The following TRIM24 variants were observed in gnomAD, a reference collection of about 807,000 sequenced individuals.
TRIM24 encodes transcription intermediary factor 1-alpha.
A neutral mutation model predicts 123.9 loss-of-function variants in TRIM24; 29 were observed. The observed-to-expected ratio is 0.23, with a 90% CI of 0.17 to 0.32. The LOEUF is 0.32. TRIM24 is among the 10% of genes least tolerant of loss of function. The pLI is 1.00. For synonymous variants in TRIM24, 456 were observed against 461.1 expected (o/e 0.99, Z 0.14); for missense variants, 932 against 1,295.3 (o/e 0.72, Z 4.31).
At chr7:138,560,501 T>C (rs1797403911) in intron 9 of TRIM24, among the ~76,000 whole-genome samples, 1 of 152,186 alleles carries the variant, frequency 6.6e-6, no homozygotes, top group Admixed American at 6.5e-5. Flanking sequence ...TTTTACAGGG[T>C]GTGGCTCCTA....
At chr7:138,486,770 T>G (rs1795657484) in intron 1 of TRIM24, among the ~76,000 whole-genome samples, 1 of 152,226 alleles carries the variant, frequency 6.6e-6, no homozygotes, top group Admixed American at 6.5e-5. Context: ...TCAGGTAGCA[T>G]GATGCCTCCA....
chr7:138,573,728 T>C (rs1797702010), intron 12 of TRIM24, 86 bp downstream of exon 12: 1 of 1,414,130 alleles, frequency 7.1e-7, no homozygotes, highest in Non-Finnish European at 9.6e-7. Flanking sequence ...TTCTCCTTTT[T>C]TGTTGAATGC....
chr7:138,488,932 A>G (rs1250165119), intron 1 of TRIM24, among the ~76,000 whole-genome samples: 4 of 152,072 alleles, frequency 2.6e-5, no homozygotes, highest in African/African-American at 9.7e-5. Flanking sequence ...TGATTTGTCT[A>G]ATGTTGACAG....
intron 3 of TRIM24, among the ~76,000 whole-genome samples, chr7:138,517,397 A>C (rs1584714031): frequency 6.8e-6 from 1 of 147,828 alleles, no homozygotes; most frequent in Non-Finnish European, 1.5e-5. Context: ...TTTAGACAGA[A>C]TCTCACTCCA....
At chr7:138,473,959 C>T (rs955990950) in intron 1 of TRIM24, among the ~76,000 whole-genome samples, 8 of 151,672 alleles carry the variant, frequency 5.3e-5, no homozygotes, top group Admixed American at 5.3e-4. Context: ...ATTGTAGAGA[C>T]GGGATCTCCC....
intron 9 of TRIM24, among the ~76,000 whole-genome samples, chr7:138,561,410 A>G (rs2116649950): frequency 6.6e-6 from 1 of 152,340 alleles, no homozygotes; most frequent in Middle Eastern, 3.4e-3. Context: ...GTTGGGAGCA[A>G]GGTAGCCAGG....
At chr7:138,547,890 C>T (rs1345197462) in intron 7 of TRIM24, among the ~76,000 whole-genome samples, 8 of 152,296 alleles carry the variant, frequency 5.3e-5, no homozygotes, top group Admixed American at 3.3e-4. Flanking sequence ...GTGATCTGCC[C>T]GCCTTGGCGT....
intron 6 of TRIM24, among the ~76,000 whole-genome samples, chr7:138,536,582 G>A (rs1435783086): frequency 1.3e-5 from 2 of 152,208 alleles, no homozygotes; most frequent in Non-Finnish European, 2.9e-5. Context: ...TGGAAGCTTT[G>A]TCCCAGAGGG....
At chr7:138,484,129 G>A (rs1411235832) in intron 1 of TRIM24, among the ~76,000 whole-genome samples, 1 of 149,266 alleles carries the variant, frequency 6.7e-6, no homozygotes, top group Non-Finnish European at 1.5e-5. Context: ...TTTTTTTTGA[G>A]ACGGAGTTTC....
chr7:138,472,291 A>T lies in TRIM24; in HGVS notation c.364+11379A>T, dbSNP rs76534879. On this transcript the variant is annotated intron_variant, in intron 1 of 18. Coordinates refer to ENST00000343526, the MANE Select transcript of TRIM24 (RefSeq NM_015905.3). ...GATCCACGAGAACTACTGAATTTAT[A>T]AAAAAAAAAAAAGATTTGGTGAGGC... Among the ~76,000 whole-genome samples the T allele has an allele frequency of 7.2e-5, 10 of 139,442 alleles. No individual in the cohort carries two copies. The East Asian group carries it at 9.0e-4, about 13-fold the overall frequency. The allele number at this position is 139,442 out of a possible 152,430, so 91.5% of individuals were successfully genotyped here.
chr7:138,562,463 G>C (rs1040816213), intron 9 of TRIM24, among the ~76,000 whole-genome samples: 1 of 152,184 alleles, frequency 6.6e-6, no homozygotes, highest in African/African-American at 2.4e-5. Flanking sequence ...CACAAGTCCT[G>C]CACTGGCCTG....
intron 11 of TRIM24, among the ~76,000 whole-genome samples, chr7:138,571,723 A>T (rs1313857339): frequency 6.6e-6 from 1 of 152,198 alleles, no homozygotes; most frequent in African/African-American, 2.4e-5. Context: ...GTTATTTATT[A>T]TATTTTTAAA....
chr7:138,548,979 G>A (rs1797157649), intron 7 of TRIM24, among the ~76,000 whole-genome samples: 1 of 152,142 alleles, frequency 6.6e-6, no homozygotes, highest in Non-Finnish European at 1.5e-5. Flanking sequence ...GGACTTGGCT[G>A]AGGCGGTCAC....
At chr7:138,578,362 C>A (rs1175732854) in intron 14 of TRIM24, among the ~76,000 whole-genome samples, 2 of 152,278 alleles carry the variant, frequency 1.3e-5, no homozygotes, top group East Asian at 3.9e-4. Context: ...TGAATATGCA[C>A]TTAACCAAAA....
At chr7:138,578,452 C>G (rs1016354509) in intron 14 of TRIM24, among the ~76,000 whole-genome samples, 1 of 151,854 alleles carries the variant, frequency 6.6e-6, no homozygotes, top group Admixed American at 6.6e-5. Flanking sequence ...AACAGTTATA[C>G]CAGTACCTAC....
At chr7:138,494,365 C>T (rs1053695809) in intron 1 of TRIM24, among the ~76,000 whole-genome samples, 2 of 152,040 alleles carry the variant, frequency 1.3e-5, no homozygotes, top group Admixed American at 6.5e-5. Flanking sequence ...GTGACCCTCC[C>T]GCCTTGGCCT....
chr7:138,569,415 G>A (rs1475836679), intron 10 of TRIM24, among the ~76,000 whole-genome samples: 4 of 152,196 alleles, frequency 2.6e-5, no homozygotes, highest in Non-Finnish European at 5.9e-5. Flanking sequence ...TACTCATACA[G>A]TGGAATACTT....
At chr7:138,551,223 T>A (rs1164181494) in intron 8 of TRIM24, 43 bp downstream of exon 8, 1 of 1,489,212 alleles carries the variant, frequency 6.7e-7, no homozygotes, top group Non-Finnish European at 9.4e-7. Context: ...GGCATTTGTC[T>A]GTAAAACTCA....
chr7:138,482,626 T>C (rs899279765), intron 1 of TRIM24, among the ~76,000 whole-genome samples: 1 of 152,208 alleles, frequency 6.6e-6, no homozygotes, highest in Non-Finnish European at 1.5e-5. Flanking sequence ...ATTATTCCCA[T>C]TGAGATTTTG....
Sources: allele counts gnomAD v4.1 joint callset (sites outside exome capture counted in the v4.1 genomes callset), GRCh38; gene constraint gnomAD v4.1.1; transcripts MANE v1.5; gene names NCBI Gene and HGNC (gene_info 2026-07-23, HGNC 2026-07-21).